TANC1: variants seen among roughly 807,000 people sequenced by gnomAD.
TANC1 encodes the protein protein TANC1.
A neutral mutation model predicts 149.7 loss-of-function variants in TANC1; 77 were observed. The observed-to-expected ratio is 0.51, with a 90% CI of 0.43 to 0.62. The LOEUF (loss-of-function observed/expected upper bound fraction) is 0.62. TANC1 is among the 20% of genes least tolerant of loss of function. The pLI is 0.00. For missense variants in TANC1, 1,985 were observed against 2,321.8 expected (o/e 0.85, Z 2.98); for synonymous variants, 854 against 925.0 (o/e 0.92, Z 1.39).
At chr2:159,147,275 C>G (rs373996076) in intron 5 of TANC1, among the ~76,000 whole-genome samples, 49 of 152,300 alleles carry the variant, frequency 3.2e-4, no homozygotes, top group African/African-American at 1.1e-3. Flanking sequence ...GAGATTGTTT[C>G]GAAAGGGAAG....
chr2:159,127,867 C>A (rs2049630423), intron 4 of TANC1, among the ~76,000 whole-genome samples: 1 of 152,134 alleles, frequency 6.6e-6, no homozygotes, highest in South Asian at 2.1e-4. Flanking sequence ...ACTTAAGATA[C>A]AATTTGGAAA....
intron 3 of TANC1, among the ~76,000 whole-genome samples, chr2:159,076,653 T>C (rs2043713226): frequency 6.6e-6 from 1 of 152,246 alleles, no homozygotes; most frequent in South Asian, 2.1e-4. Context: ...GAGATTCTTT[T>C]TTAAACTATG....
intron 4 of TANC1, among the ~76,000 whole-genome samples, chr2:159,124,247 G>A (rs1378395960): frequency 1.3e-5 from 2 of 152,106 alleles, no homozygotes; most frequent in South Asian, 2.1e-4. Context: ...AGGAGGCTGA[G>A]GCATAAGAAT....
At chr2:159,150,211 T>A in intron 6 of TANC1, 159 bp from the exon 7 acceptor site, 1 of 581,256 alleles carries the variant, frequency 1.7e-6, no homozygotes, top group African/African-American at 1.9e-5. Context: ...TAGATAAAGC[T>A]CCATGAATCC....
chr2:159,063,174 A>C (rs1046704098), intron 2 of TANC1, among the ~76,000 whole-genome samples: 2 of 152,094 alleles, frequency 1.3e-5, no homozygotes, highest in African/African-American at 4.8e-5. Context: ...TGTGAACAGA[A>C]CCAGAACAAG....
At position 159,103,582 on chromosome 2, in the gene TANC1, G is replaced by C. The variant is rs1170174307; in HGVS notation, c.259+5748G>C. On this transcript the variant is annotated intron_variant, in intron 4 of 26. Coordinates refer to ENST00000263635, the MANE Select transcript of TANC1 (RefSeq NM_033394.3). ...TGAGACTGTGTCGGGAATTATGACA[G>C]CTGAGTCAGATCAAGTTCATGGTCA... is the stretch of plus-strand genomic sequence containing the variant. Among the ~76,000 whole-genome samples the C allele has an allele frequency of 2.1e-5, 2 of 96,738 alleles. 1 individual carries two copies. The highest frequency in any genetic ancestry group is 5.8e-5 in the Non-Finnish European group (2 of 34,650). 63.5% of individuals were successfully genotyped at this position (96,738 alleles called of 152,430 possible). A position where few individuals can be genotyped will look rare whatever the true frequency, so the allele number is the denominator to read the frequency against.
chr2:159,209,120 C>T (rs1240009720), intron 19 of TANC1, among the ~76,000 whole-genome samples: 2 of 152,228 alleles, frequency 1.3e-5, no homozygotes, highest in Non-Finnish European at 2.9e-5. Context: ...TTTGTGAGGT[C>T]ACTGAGCAGC....
chr2:159,165,083 A>G (rs1015115258), intron 8 of TANC1, among the ~76,000 whole-genome samples: 1 of 152,222 alleles, frequency 6.6e-6, no homozygotes, highest in Non-Finnish European at 1.5e-5. Flanking sequence ...TTCAACAAAA[A>G]TAGTGAACTT....
chr2:159,032,962 A>G (rs1440507346), intron 2 of TANC1, among the ~76,000 whole-genome samples: 1 of 152,098 alleles, frequency 6.6e-6, no homozygotes, highest in African/African-American at 2.4e-5. Context: ...CAATTTTGTT[A>G]TGGAAAGAGT....
At chr2:158,991,091 C>CAA (rs34411224) in intron 1 of TANC1, among the ~76,000 whole-genome samples, 3,242 of 70,006 alleles carry the variant, frequency 0.046, 248 homozygotes, top group African/African-American at 0.17. Context: ...GATCCTGTGT[C>CAA]AAAAAAAAAA....
chr2:159,171,789 C>G (rs1283969257), intron 10 of TANC1, among the ~76,000 whole-genome samples: 2 of 141,308 alleles, frequency 1.4e-5, no homozygotes, highest in Non-Finnish European at 3.0e-5. Flanking sequence ...CCCAGGAGGT[C>G]GAGGTTGCAG....
Position 159,229,483 on chromosome 2 carries a change from TTC to T in TANC1, c.4152-91_4152-90del, listed in dbSNP as rs1328429080. The T allele has an allele frequency of 6.1e-5, 67 of 1,092,954 alleles. No homozygotes were observed. The African/African-American group carries it at 9.2e-4, about 15-fold the overall frequency. 67.7% of individuals were successfully genotyped at this position (1,092,954 alleles called of 1,614,324 possible). A position where few individuals can be genotyped will look rare whatever the true frequency, so the allele number is the denominator to read the frequency against. On this transcript the variant is annotated intron_variant, in intron 26 of 26. Transcript: ENST00000263635. The stretch of plus-strand genomic sequence containing the variant: ...AAGTGTTCAAAACTCACTTGCTACC[TTC>T]TCTTTCCTTTGAGCACAGCTCTTTT...
At chr2:158,988,318 C>G (rs1180608294) in intron 1 of TANC1, among the ~76,000 whole-genome samples, 2 of 143,118 alleles carry the variant, frequency 1.4e-5, no homozygotes, top group Non-Finnish European at 3.1e-5. Context: ...CAGGCAAGAC[C>G]CTGTCCCAAA....
chr2:159,229,147 C>CA (rs1559500750), intron 26 of TANC1, among the ~76,000 whole-genome samples: 1 of 152,026 alleles, frequency 6.6e-6, no homozygotes, highest in Non-Finnish European at 1.5e-5. Flanking sequence ...GTGAAACTTA[C>CA]TGCAACATGA....
At chr2:159,032,514 T>C (rs1281624819) in intron 2 of TANC1, among the ~76,000 whole-genome samples, 1 of 152,192 alleles carries the variant, frequency 6.6e-6, no homozygotes, top group Admixed American at 6.5e-5. Flanking sequence ...AATGCTTTTT[T>C]TTTGGCGTCC....
At chr2:159,102,700 G>T (rs1574675864) in intron 4 of TANC1, among the ~76,000 whole-genome samples, 1 of 89,664 alleles carries the variant, frequency 1.1e-5, no homozygotes, top group Non-Finnish European at 2.4e-5. Flanking sequence ...ATTTCTGATT[G>T]TTGGATATTT....
At chr2:159,211,799 A>AT (rs1194824646) in intron 19 of TANC1, among the ~76,000 whole-genome samples, 1 of 152,224 alleles carries the variant, frequency 6.6e-6, no homozygotes, top group African/African-American at 2.4e-5. Flanking sequence ...CTTGTCAGGA[A>AT]TTTGTGTGTA....
intron 19 of TANC1, among the ~76,000 whole-genome samples, chr2:159,209,109 A>G (rs1367963090): frequency 2.0e-5 from 3 of 152,206 alleles, no homozygotes; most frequent in African/African-American, 7.2e-5. Context: ...GCTGGCTTCC[A>G]TTTGTGAGGT....
At chr2:159,171,319 C>T (rs1039986716) in intron 10 of TANC1, among the ~76,000 whole-genome samples, 10 of 152,208 alleles carry the variant, frequency 6.6e-5, no homozygotes, top group Admixed American at 1.3e-4. Context: ...GTGAATCATG[C>T]GAGATTTTTA....
Sources: allele counts gnomAD v4.1 joint callset (sites outside exome capture counted in the v4.1 genomes callset), GRCh38; gene constraint gnomAD v4.1.1; transcripts MANE v1.5; gene names NCBI Gene and HGNC (gene_info 2026-07-23, HGNC 2026-07-21).